Variants in VIRMA observed in about 807,000 individuals in gnomAD.
VIRMA encodes the protein vir like m6A methyltransferase associated.
A neutral mutation model predicts 182.4 loss-of-function variants in VIRMA; 65 were observed. The observed-to-expected ratio is 0.36, with a 90% CI of 0.29 to 0.44. VIRMA has a LOEUF of 0.44. Ranked by LOEUF, VIRMA falls within the 20% of genes least tolerant of loss-of-function variation. VIRMA has a pLI of 1.00. For missense variants in VIRMA, 1,752 were observed against 2,158.1 expected, an observed-to-expected ratio of 0.81 and a Z score of 3.73; for synonymous variants, 709 against 743.1, an observed-to-expected ratio of 0.95 and a Z score of 0.75.
chr8:94,501,081 T>TA (rs930014397), intron 16 of VIRMA, among the ~76,000 whole-genome samples: 1 of 150,924 alleles, frequency 6.6e-6, no homozygotes, highest in East Asian at 1.9e-4. Context: ...CTGTCTCCAC[T>TA]AAAAAAACAA....
intron 6 of VIRMA, among the ~76,000 whole-genome samples, chr8:94,530,421 C>T (rs3098720): frequency 0.13 from 18,947 of 149,818 alleles, 1,828 homozygotes; most frequent in African/African-American, 0.26. Context: ...TTCTTGAACC[C>T]GGGAATTCAA....
chr8:94,499,652 C>A, intron 16 of VIRMA, 146 bp from the exon 17 acceptor site: 1 of 498,144 alleles, frequency 2.0e-6, no homozygotes, highest in Non-Finnish European at 3.4e-6. Flanking sequence ...TGTCTTTGTA[C>A]ACAAATATAA....
Position 94,553,456 on chromosome 8 carries a change from C to A in VIRMA, c.-9G>T, listed in dbSNP as rs1816083972. 6.2e-7 allele frequency: 1 copy of A among 1,613,980 alleles called. No homozygotes were observed. Among genetic ancestry groups the A allele is most frequent in the South Asian group, 1.1e-5 (1 of 91,086 alleles). ...GCCGAGTCCACCGCCATGTTTGCCG[C>A]GGGCGGGGAACAGGGGGGAGGACTT... On this transcript the variant is annotated 5_prime_UTR_variant, in exon 1 of 24. Transcript: ENST00000297591.
chr8:94,504,525 T>C (rs532572176), intron 16 of VIRMA, among the ~76,000 whole-genome samples: 12 of 152,314 alleles, frequency 7.9e-5, no homozygotes, highest in African/African-American at 2.6e-4. Context: ...TGGATTTTAA[T>C]TGAGGTACAA....
chr8:94,506,434 G>T, intron 16 of VIRMA, 66 bp downstream of exon 16: 3 of 994,456 alleles, frequency 3.0e-6, no homozygotes, highest in Non-Finnish European at 4.6e-6. Flanking sequence ...TTAATGTGGG[G>T]TGAAGGAGCA....
intron 8 of VIRMA, among the ~76,000 whole-genome samples, chr8:94,521,166 CA>C (rs1277410646): frequency 6.6e-6 from 1 of 151,936 alleles, no homozygotes; most frequent in Non-Finnish European, 1.5e-5. Context: ...GTATGAAGCC[CA>C]CATGTATTAG....
rs777594318 is a variant in VIRMA, at chr8:94,511,276, G to A, written c.3299C>T (p.Ser1100Phe). 4.3e-5 allele frequency: 69 copies of A among 1,613,940 alleles called. No individual in the cohort carries two copies. The East Asian group carries it at 9.6e-4, about 22-fold the overall frequency. ...TCCTTCAGGAACCTTCAAGATTGAA[G>A]AAAGAACTTCTTTTAACATTAAAGA... is the stretch of plus-strand genomic sequence containing the variant. ...TWSLMLKEVL[S>F]SILKVPEGFF... The change falls in exon 13 of 24, where the codon TCT becomes TTT. Residue 1100 changes from serine to phenylalanine, a missense_variant. By Grantham distance (155) the Ser-to-Phe change is radical. Around this residue, in one of 11 missense-constraint regions of VIRMA, gnomAD observed 777 missense variants for 920.6 expected, o/e 0.84. Transcript: ENST00000297591.
Position 94,487,901 on chromosome 8 carries a change from G to A in VIRMA, c.*805C>T, listed in dbSNP as rs1305705240. The stretch of plus-strand genomic sequence containing the variant: ...TAAATAATTTGTATAATAAAATAGT[G>A]TCAGTAGGTCCAAAGCTGAAATGCA... On this transcript the variant is annotated 3_prime_UTR_variant, in exon 24 of 24. Transcript: ENST00000297591. 2 of 152,150 alleles carry A rather than the reference G, an allele frequency of 1.3e-5. No homozygotes were observed. The highest frequency in any genetic ancestry group is 2.4e-5 in the African/African-American group (1 of 41,424). 9.4% of individuals were successfully genotyped at this position (152,150 alleles called of 1,614,324 possible).
chr8:94,546,803 A>G (rs763495493), intron 1 of VIRMA: 3 of 396,002 alleles, frequency 7.6e-6, no homozygotes, highest in Non-Finnish European at 1.5e-5. Context: ...CCATCAACAC[A>G]TTCTCCTACT....
chr8:94,509,599 C>T, intron 15 of VIRMA, 89 bp downstream of exon 15: 1 of 1,394,494 alleles, frequency 7.2e-7, no homozygotes. Flanking sequence ...TCATTCACAG[C>T]CAAAATTTAC....
chr8:94,529,145 G>T lies in VIRMA; in HGVS notation c.805C>A (p.Arg269=). The T allele has an allele frequency of 7.0e-7, 1 of 1,431,864 alleles. No homozygotes were observed. Among genetic ancestry groups the T allele is most frequent in the Non-Finnish European group, 9.8e-7 (1 of 1,015,318 alleles). The allele number at this position is 1,431,864 out of a possible 1,614,324, so 88.7% of individuals were successfully genotyped here. ...TCCTCAGGAATACTGTCTACTGTTCGTCGATCATCCTCATCCTCATCCTCT... is the reference window on the plus strand; with the variant it reads ...TCCTCAGGAATACTGTCTACTGTTCTTCGATCATCCTCATCCTCATCCTCT... The part of the protein sequence containing the change: ...EEEDEDEDDR[R]TVDSIPEEEE... The change falls in exon 7 of 24, where the codon CGA becomes AGA. Residue 269 remains arginine (R), a synonymous_variant. Coordinates refer to ENST00000297591, the MANE Select transcript of VIRMA (RefSeq NM_015496.5).
chr8:94,531,074 T>C lies in VIRMA; in HGVS notation c.496A>G (p.Lys166Glu). The change falls in exon 6 of 24, where the codon AAA becomes GAA. Residue 166 changes from lysine (K) to glutamate (E), a missense_variant. Coordinates refer to ENST00000297591, the MANE Select transcript of VIRMA (RefSeq NM_015496.5). Reference sequence around the variant, plus strand: ...GGGCTTCCATTAAACTGATCTTCTTTCTCCCCATCAGCTAGTGTTTTATGG... The same window carrying C: ...GGGCTTCCATTAAACTGATCTTCTTCCTCCCCATCAGCTAGTGTTTTATGG... ...KRNPKHADGE[K>E]EDQFNGSPPR... 2 of 1,561,864 alleles carry C rather than the reference T, an allele frequency of 1.3e-6. No individual in the cohort carries two copies. The highest frequency in any genetic ancestry group is 1.7e-6 in the Non-Finnish European group (2 of 1,159,430).
intron 5 of VIRMA, among the ~76,000 whole-genome samples, 176 bp downstream of exon 5, chr8:94,534,663 C>G (rs1270494656): frequency 6.6e-6 from 1 of 151,122 alleles, no homozygotes; most frequent in Admixed American, 6.6e-5. Flanking sequence ...TTCTCTCCCC[C>G]TCTGCCCCTC....
At chr8:94,526,120 CATAA>C (rs1814953262) in intron 8 of VIRMA, 99 bp downstream of exon 8, 2 of 821,004 alleles carry the variant, frequency 2.4e-6, no homozygotes, top group South Asian at 1.8e-5. Context: ...TATCCTTACA[CATAA>C]ATAAGTTACC....
chr8:94,534,692 C>T (rs532327557), intron 5 of VIRMA, 147 bp downstream of exon 5: 5 of 811,398 alleles, frequency 6.2e-6, no homozygotes, highest in Non-Finnish European at 7.5e-6. Context: ...CCTCTCATCT[C>T]CTCCCTCCCT....
At chr8:94,524,868 A>C (rs1204240685) in intron 8 of VIRMA, among the ~76,000 whole-genome samples, 2 of 152,208 alleles carry the variant, frequency 1.3e-5, no homozygotes, top group Non-Finnish European at 2.9e-5. Flanking sequence ...GTATCACAAC[A>C]AACCATTCAC....
At chr8:94,510,850 G>C (rs749271189) in intron 13 of VIRMA, 198 bp from the exon 14 acceptor site, 1 of 793,324 alleles carries the variant, frequency 1.3e-6, no homozygotes, top group Non-Finnish European at 1.9e-6. Flanking sequence ...TTAGCAGTTA[G>C]TTGAGCAGAG....
intron 2 of VIRMA, 113 bp downstream of exon 2, chr8:94,543,714 T>C (rs769839485): frequency 6.2e-6 from 4 of 644,290 alleles, no homozygotes; most frequent in Non-Finnish European, 8.2e-6. Context: ...CATAATTGAA[T>C]AGCTTCAGGA....
intron 7 of VIRMA, among the ~76,000 whole-genome samples, chr8:94,528,169 T>C (rs1291046863): frequency 6.7e-6 from 1 of 150,308 alleles, no homozygotes; most frequent in African/African-American, 2.5e-5. Context: ...GAGGTGAAGG[T>C]TGCAGTGAAA....
Sources: gnomAD v4.1 joint callset for allele counts (sites outside exome capture counted in the v4.1 genomes callset) on GRCh38, gnomAD v4.1.1 for gene constraint, gnomAD v4.1.1 regional missense constraint, MANE v1.5 for transcripts, NCBI Gene and HGNC (gene_info 2026-07-23, HGNC 2026-07-21) for gene names.